The following PRKACB variants were observed in gnomAD, a reference collection of about 807,000 sequenced individuals.
The protein encoded by PRKACB is cAMP-dependent protein kinase catalytic subunit beta.
A neutral mutation model predicts 51.4 loss-of-function variants in PRKACB; 16 were observed. That is an observed-to-expected ratio of 0.31 (90% confidence interval 0.21 to 0.47). PRKACB has a LOEUF of 0.47. Among genes scored for constraint, PRKACB ranks in the 20% least tolerant of loss-of-function variants. The pLI, the probability that PRKACB is intolerant of heterozygous loss-of-function variation, is 1.00. For missense variants in PRKACB, 309 were observed against 464.5 expected, an observed-to-expected ratio of 0.67 and a Z score of 3.08; for synonymous variants, 147 against 154.4, an observed-to-expected ratio of 0.95 and a Z score of 0.35.
At chr1:84,097,419 A>G (rs1490706847) in intron 1 of PRKACB, among the ~76,000 whole-genome samples, 2 of 151,912 alleles carry the variant, frequency 1.3e-5, no homozygotes, top group Non-Finnish European at 1.5e-5. Context: ...CATCTTCACC[A>G]TCCTTGGTAT....
At chr1:84,215,922 T>G (rs140447971) in intron 9 of PRKACB, among the ~76,000 whole-genome samples, 4 of 152,174 alleles carry the variant, frequency 2.6e-5, no homozygotes, top group Admixed American at 2.6e-4. Context: ...TTTAGAGACA[T>G]GTCATCTTTA....
rs1162983411 is a variant in PRKACB, at chr1:84,236,103, G to A, written c.*798G>A. On this transcript the variant is annotated 3_prime_UTR_variant, in exon 10 of 10. Transcript: ENST00000370685. ...TCACTTGGTACCAGCATTTCTGTAG[G>A]TATTAGAGAAGAGTTCTAAGTTTTC... is the stretch of plus-strand genomic sequence containing the variant. 6.6e-6 allele frequency: 1 copy of A among 152,582 alleles called. No homozygotes were observed. The highest frequency in any genetic ancestry group is 1.5e-5 in the Non-Finnish European group (1 of 68,030). 9.5% of individuals were successfully genotyped at this position (152,582 alleles called of 1,614,324 possible).
chr1:84,219,499 C>A (rs1430522204), intron 9 of PRKACB, among the ~76,000 whole-genome samples: 1 of 151,994 alleles, frequency 6.6e-6, no homozygotes, highest in East Asian at 1.9e-4. Context: ...GCGTGAGCCA[C>A]CATGCCCCAC....
At chr1:84,109,472 G>A (rs1650043321) in intron 1 of PRKACB, among the ~76,000 whole-genome samples, 1 of 151,806 alleles carries the variant, frequency 6.6e-6, no homozygotes, top group African/African-American at 2.4e-5. Context: ...ATATGCATAT[G>A]TACTGTCTTT....
At position 84,235,457 on chromosome 1, in the gene PRKACB, A is replaced by G. The variant is rs1240737145; in HGVS notation, c.*152A>G. On this transcript the variant is annotated 3_prime_UTR_variant, in exon 10 of 10. Transcript: ENST00000370685. ...TTTATTGCCATCATCCCGTGTGCGC[A>G]CTCTGCATCCACCTATGTAACAAGG... The G allele has an allele frequency of 1.4e-5, 13 of 953,226 alleles. No individual in the cohort carries two copies. Among genetic ancestry groups the G allele is most frequent in the African/African-American group, 3.3e-5 (2 of 60,088 alleles). The allele number at this position is 953,226 out of a possible 1,614,324, so 59.0% of individuals were successfully genotyped here. A position where few individuals can be genotyped will look rare whatever the true frequency, so the allele number is the denominator to read the frequency against.
chr1:84,178,606 C>T (rs1467444604), intron 1 of PRKACB, among the ~76,000 whole-genome samples: 2 of 151,926 alleles, frequency 1.3e-5, no homozygotes, highest in South Asian at 2.1e-4. Flanking sequence ...TTTTTGTTGT[C>T]GATGTTTTGT....
chr1:84,086,209 C>T, intron 1 of PRKACB: 1 of 1,596,266 alleles, frequency 6.3e-7, no homozygotes. Flanking sequence ...AGCTGGAGGC[C>T]TTCCTGAAGA....
intron 1 of PRKACB, among the ~76,000 whole-genome samples, chr1:84,162,708 A>G (rs1656360525): frequency 6.6e-6 from 1 of 151,966 alleles, no homozygotes; most frequent in African/African-American, 2.4e-5. Flanking sequence ...TAGGTATTTA[A>G]CACAATTTTC....
intron 1 of PRKACB, among the ~76,000 whole-genome samples, chr1:84,101,035 C>T (rs1001871475): frequency 2.6e-5 from 4 of 152,170 alleles, no homozygotes; most frequent in African/African-American, 9.7e-5. Context: ...TGATAAGAAA[C>T]TCATTACGCT....
chr1:84,155,238 G>A (rs544874481), intron 1 of PRKACB, among the ~76,000 whole-genome samples: 12 of 151,994 alleles, frequency 7.9e-5, no homozygotes, highest in African/African-American at 2.9e-4. Flanking sequence ...TACTAACAAT[G>A]AACTATGGAA....
chr1:84,143,240 G>A (rs1653605248), upstream of PRKACB, among the ~76,000 whole-genome samples: 1 of 152,084 alleles, frequency 6.6e-6, no homozygotes, highest in African/African-American at 2.4e-5. Context: ...GAGGCCAGGA[G>A]TTTGAGACAA....
chr1:84,105,519 C>G (rs371211462), intron 1 of PRKACB, among the ~76,000 whole-genome samples: 1 of 151,950 alleles, frequency 6.6e-6, no homozygotes, highest in East Asian at 1.9e-4. Context: ...AGAATCCTAG[C>G]ATTTACAGAT....
At chr1:84,196,150 G>A (rs374806827) in intron 5 of PRKACB, among the ~76,000 whole-genome samples, 1 of 152,066 alleles carries the variant, frequency 6.6e-6, no homozygotes, top group Non-Finnish European at 1.5e-5. Flanking sequence ...GGGTAAAATG[G>A]CATTAATCTG....
chr1:84,078,796 C>T (rs1306580914), intron 1 of PRKACB, among the ~76,000 whole-genome samples: 1 of 152,156 alleles, frequency 6.6e-6, no homozygotes, highest in East Asian at 1.9e-4. Context: ...TTGGGTCCGA[C>T]CCAACCTTAT....
chr1:84,172,520 G>A (rs1055943075), intron 1 of PRKACB, among the ~76,000 whole-genome samples: 1 of 151,608 alleles, frequency 6.6e-6, no homozygotes, highest in African/African-American at 2.4e-5. Context: ...GGGAGAGAAG[G>A]CATGTACATA....
intron 8 of PRKACB, among the ~76,000 whole-genome samples, chr1:84,210,525 G>A (rs1476573700): frequency 6.6e-6 from 1 of 152,010 alleles, no homozygotes; most frequent in Non-Finnish European, 1.5e-5. Context: ...TTCTACTAAC[G>A]GAGTTGGTAG....
rs772092967 is a variant in PRKACB at position 84,197,771 on chromosome 1, T to A, written c.730T>A (p.Trp244Arg). ...GFAKRVKGRT[W>R]TLCGTPEYLA... ...TGCCAAAAGAGTTAAAGGCAGAACT[T>A]GGACATTATGTGGAACTCCAGAGTA... The change falls in exon 7 of 10, where the codon TGG becomes AGG. Residue 244 changes from tryptophan to arginine, a missense_variant. Physicochemically the swap from Trp to Arg is moderately radical, Grantham distance 101. Around this residue, in one of 3 missense-constraint regions of PRKACB, gnomAD observed 60 missense variants for 144.4 expected, o/e 0.42. Coordinates refer to ENST00000370685, the MANE Select transcript of PRKACB (RefSeq NM_182948.4). The A allele has an allele frequency of 1.2e-6, 2 of 1,612,194 alleles. No homozygotes were observed. The highest frequency in any genetic ancestry group is 1.7e-5 in the Admixed American group (1 of 59,940).
At chr1:84,214,787 A>T (rs926163419) in intron 9 of PRKACB, among the ~76,000 whole-genome samples, 1 of 152,118 alleles carries the variant, frequency 6.6e-6, no homozygotes, top group Admixed American at 6.6e-5. Context: ...GAGTCATCAC[A>T]CCTGGCCTTA....
intron 1 of PRKACB, among the ~76,000 whole-genome samples, chr1:84,115,928 C>T (rs984092323): frequency 7.1e-6 from 1 of 140,844 alleles, no homozygotes; most frequent in Non-Finnish European, 1.5e-5. Context: ...AATTCTTTGC[C>T]TAGAGCAATG....
Sources: gnomAD v4.1 joint callset for allele counts (sites outside exome capture counted in the v4.1 genomes callset) on GRCh38, gnomAD v4.1.1 for gene constraint, gnomAD v4.1.1 regional missense constraint, MANE v1.5 for transcripts, NCBI Gene and HGNC (gene_info 2026-07-23, HGNC 2026-07-21) for gene names.